Variants in ADAMTS2 observed in about 807,000 individuals in gnomAD.
ADAMTS2 encodes ADAM metallopeptidase with thrombospondin type 1 motif 2, also known as A disintegrin and metalloproteinase with thrombospondin motifs 2.
ADAMTS2 carries 50 observed loss-of-function variants against 123.0 expected under a neutral mutation model. The observed-to-expected ratio is 0.41, with a 90% CI of 0.32 to 0.51. The LOEUF is 0.51. Among genes scored for constraint, ADAMTS2 ranks in the 20% least tolerant of loss-of-function variants. ADAMTS2 has a pLI of 0.35. For missense variants in ADAMTS2, 1,494 were observed against 1,705.2 expected (o/e 0.88, Z 2.18); for synonymous variants, 678 against 695.4 (o/e 0.98, Z 0.39).
chr5:179,292,180 T>TC (rs1276051837), intron 2 of ADAMTS2, among the ~76,000 whole-genome samples: 1 of 151,790 alleles, frequency 6.6e-6, no homozygotes, highest in East Asian at 1.9e-4. Flanking sequence ...AAGCCGGCAT[T>TC]CCCGGGGGCA....
intron 3 of ADAMTS2, among the ~76,000 whole-genome samples, chr5:179,211,361 G>A (rs1764845710): frequency 7.3e-6 from 1 of 137,228 alleles, no homozygotes; most frequent in Non-Finnish European, 1.6e-5. Context: ...GAAGGCACTG[G>A]GCCCCCTGGG....
intron 2 of ADAMTS2, among the ~76,000 whole-genome samples, chr5:179,316,652 A>G (rs571295394): frequency 6.6e-6 from 1 of 152,358 alleles, no homozygotes; most frequent in Non-Finnish European, 1.5e-5. Context: ...GCTGTCGAAC[A>G]TGAAGTGGGG....
At chr5:179,201,780 C>G (rs774116314) in intron 4 of ADAMTS2, among the ~76,000 whole-genome samples, 1 of 151,878 alleles carries the variant, frequency 6.6e-6, no homozygotes, top group Non-Finnish European at 1.5e-5. Flanking sequence ...CCAGCCTGGG[C>G]GACAGAGTGA....
At chr5:179,333,539 A>G (rs1451040757) in intron 2 of ADAMTS2, among the ~76,000 whole-genome samples, 1 of 151,572 alleles carries the variant, frequency 6.6e-6, no homozygotes, top group Non-Finnish European at 1.5e-5. Flanking sequence ...GCAGGCAGAG[A>G]GATCACACAA....
chr5:179,214,112 A>C (rs549525774), intron 3 of ADAMTS2, among the ~76,000 whole-genome samples: 4 of 150,686 alleles, frequency 2.7e-5, no homozygotes, highest in African/African-American at 7.4e-5. Flanking sequence ...GAGACACATT[A>C]GGACACAACT....
chr5:179,281,041 A>G (rs976302439), intron 2 of ADAMTS2, among the ~76,000 whole-genome samples: 2 of 152,272 alleles, frequency 1.3e-5, no homozygotes, highest in East Asian at 1.9e-4. Flanking sequence ...TATTTCTAGT[A>G]GAGATGGGGT....
chr5:179,241,837 C>T (rs1226480624), intron 3 of ADAMTS2, among the ~76,000 whole-genome samples: 1 of 152,182 alleles, frequency 6.6e-6, no homozygotes, highest in African/African-American at 2.4e-5. Context: ...TATCTCTACG[C>T]ATTTTTTAAA....
At position 179,207,694 on chromosome 5, in the gene ADAMTS2, T is replaced by G. The variant is rs202197821; in HGVS notation, c.710A>C (p.Asp237Ala). 252 of 1,611,552 alleles carry G rather than the reference T, an allele frequency of 1.6e-4. No homozygotes were observed. The highest frequency in any genetic ancestry group is 2.0e-4 in the Non-Finnish European group (236 of 1,179,670). ...GACGCCCAGGGCGCGGCTGAGGCTG[T>G]CCAGGCTGTCCAGGGAGGCCCCTGC... is the stretch of plus-strand genomic sequence containing the variant. ...LDTGASLDSL[D>A]SLSRALGVLE... The change falls in exon 4 of 22, where the codon GAC (aspartate) becomes GCC (alanine). Residue 237 changes from aspartate (D) to alanine (A), a missense_variant. Around this residue, in one of 6 missense-constraint regions of ADAMTS2, gnomAD observed 184 missense variants for 152.1 expected, o/e 1.21. Transcript: ENST00000251582.
At chr5:179,268,616 C>T (rs915604844) in intron 3 of ADAMTS2, among the ~76,000 whole-genome samples, 15 of 152,230 alleles carry the variant, frequency 9.9e-5, no homozygotes, top group African/African-American at 3.1e-4. Flanking sequence ...TGGAGTCAGC[C>T]GCTCCAGGTC....
At chr5:179,221,385 C>T (rs1457672587) in intron 3 of ADAMTS2, among the ~76,000 whole-genome samples, 1 of 152,166 alleles carries the variant, frequency 6.6e-6, no homozygotes, top group Non-Finnish European at 1.5e-5. Flanking sequence ...CTGAAAGTAC[C>T]AGGGCCCTGG....
chr5:179,317,715 A>C lies in ADAMTS2; in HGVS notation c.534+26052T>G, dbSNP rs1227821373. Among the ~76,000 whole-genome samples, 1 of 152,154 alleles carries C rather than the reference A, an allele frequency of 6.6e-6. No homozygotes were observed. Among genetic ancestry groups the C allele is most frequent in the Non-Finnish European group, 1.5e-5 (1 of 68,026 alleles). On this transcript the variant is annotated intron_variant, in intron 2 of 21. Coordinates refer to ENST00000251582, the MANE Select transcript of ADAMTS2 (RefSeq NM_014244.5). This position sits in a 1 kb window ranked among gnomAD's most constrained non-coding sequence, Gnocchi z 4.9. The stretch of plus-strand genomic sequence containing the variant: ...TGCATCGCATACATCACCCACACAC[A>C]CACGTGTACATTTCAGCACGCGTCT...
chr5:179,273,199 A>G, intron 2 of ADAMTS2, 135 bp from the exon 3 acceptor site: 1 of 1,385,702 alleles, frequency 7.2e-7, no homozygotes. Context: ...CTCAGCTTGA[A>G]CCCTGGGCTG....
At position 179,188,664 on chromosome 5, in the gene ADAMTS2, G is replaced by C. The variant is rs995496300; in HGVS notation, c.892-7509C>G. Among the ~76,000 whole-genome samples, 1 of 152,102 alleles carries C rather than the reference G, an allele frequency of 6.6e-6. No homozygotes were observed. Among genetic ancestry groups the C allele is most frequent in the Non-Finnish European group, 1.5e-5 (1 of 68,022 alleles). The stretch of plus-strand genomic sequence containing the variant: ...CAGTTCATACATCAAAAAGTGAGGT[G>C]GTCAGAGTCCCCTCCTTCAATACCC... On this transcript the variant is annotated intron_variant, in intron 4 of 21. Coordinates refer to ENST00000251582, the MANE Select transcript of ADAMTS2 (RefSeq NM_014244.5). This position sits in a 1 kb window ranked among gnomAD's most constrained non-coding sequence, Gnocchi z 5.1.
At chr5:179,201,559 G>A (rs1484188117) in intron 4 of ADAMTS2, among the ~76,000 whole-genome samples, 1 of 149,820 alleles carries the variant, frequency 6.7e-6, no homozygotes, top group African/African-American at 2.5e-5. Flanking sequence ...GCCAAGGTGG[G>A]TGGTCACCTG....
intron 2 of ADAMTS2, among the ~76,000 whole-genome samples, chr5:179,305,217 CAG>C (rs952230351): frequency 3.3e-5 from 5 of 152,080 alleles, no homozygotes; most frequent in Non-Finnish European, 5.9e-5. Flanking sequence ...GTTCTTCAGA[CAG>C]GGGGAAAATG....
chr5:179,127,241 C>A (rs985610007), intron 17 of ADAMTS2, among the ~76,000 whole-genome samples: 1 of 152,148 alleles, frequency 6.6e-6, no homozygotes, highest in Non-Finnish European at 1.5e-5. Context: ...GGGGTGGATG[C>A]GCTGATGAAA....
At position 179,345,304 on chromosome 5, in the gene ADAMTS2, G is replaced by T; in HGVS notation, c.25C>A (p.Arg9Ser). 8.8e-7 allele frequency: 1 copy of T among 1,136,660 alleles called. No homozygotes were observed. Among genetic ancestry groups the T allele is most frequent in the Non-Finnish European group, 1.1e-6 (1 of 928,114 alleles). The allele number at this position is 1,136,660 out of a possible 1,614,324, so 70.4% of individuals were successfully genotyped here. The change falls in exon 1 of 22, where the codon CGC (arginine) becomes AGC (serine). Residue 9 changes from arginine to serine, a missense_variant. Arg to Ser is a moderately radical substitution (Grantham distance 110). This residue lies in a region of ADAMTS2 where 237 missense variants were observed against 233.7 expected (regional missense o/e 1.01). Coordinates refer to ENST00000251582, the MANE Select transcript of ADAMTS2 (RefSeq NM_014244.5). The surrounding 1 kb of genome is among the most constrained non-coding windows in gnomAD (Gnocchi z 7.5). The part of the protein sequence containing the change: MDPPAGAA[R>S]RLLCPALLLL... ...AGCAGCGCGGGGCAGAGCAGGCGGC[G>T]AGCGGCTCCCGCCGGCGGATCCATG...
At chr5:179,222,335 G>A (rs1765145261) in intron 3 of ADAMTS2, among the ~76,000 whole-genome samples, 1 of 152,218 alleles carries the variant, frequency 6.6e-6, no homozygotes, top group African/African-American at 2.4e-5. Flanking sequence ...AGAAATCAGA[G>A]TGAGTGCTGA....
At chr5:179,304,098 T>C (rs1035541395) in intron 2 of ADAMTS2, among the ~76,000 whole-genome samples, 1 of 152,138 alleles carries the variant, frequency 6.6e-6, no homozygotes, top group Non-Finnish European at 1.5e-5. Context: ...TTACATGGGA[T>C]TGATCAGAAT....
Sources: gnomAD v4.1 joint callset for allele counts (sites outside exome capture counted in the v4.1 genomes callset) on GRCh38, gnomAD v4.1.1 for gene constraint, gnomAD v4.1.1 regional missense constraint, Gnocchi (gnomAD v3.1) non-coding constraint, MANE v1.5 for transcripts, NCBI Gene and HGNC (gene_info 2026-07-23, HGNC 2026-07-21) for gene names.